Variants in INVS observed in about 807,000 individuals in gnomAD.
The protein encoded by INVS is inversion of embryo turning homolog.
In INVS, 86 loss-of-function variants were observed where a neutral mutation model predicts 108.8. The observed-to-expected ratio is 0.79, with a 90% CI of 0.66 to 0.95. The LOEUF (loss-of-function observed/expected upper bound fraction) is 0.95, where lower values mean the gene tolerates loss of function less well. Ranked by LOEUF, INVS falls within the 40% of genes least tolerant of loss-of-function variation. The pLI is 0.00. For synonymous variants in INVS, 455 were observed against 473.5 expected (o/e 0.96, Z 0.51); for missense variants, 1,169 against 1,297.4 (o/e 0.90, Z 1.52).
intron 10 of INVS, among the ~76,000 whole-genome samples, chr9:100,262,759 T>G (rs1330240883): frequency 6.6e-6 from 1 of 152,024 alleles, no homozygotes; most frequent in Non-Finnish European, 1.5e-5. Context: ...GTTTGTTTGT[T>G]TCTTAAGACA....
At chr9:100,101,048 A>C (rs1231756025) in intron 1 of INVS, among the ~76,000 whole-genome samples, 1 of 108,294 alleles carries the variant, frequency 9.2e-6, no homozygotes, top group East Asian at 2.2e-4. Context: ...ATATGTGTAT[A>C]TATAATTTAT....
chr9:100,201,807 A>G (rs1300092425), intron 3 of INVS, among the ~76,000 whole-genome samples: 1 of 152,192 alleles, frequency 6.6e-6, no homozygotes, highest in South Asian at 2.1e-4. Context: ...CAGCTATCCA[A>G]AGGAATTGAG....
chr9:100,174,443 C>G (rs941063188), intron 3 of INVS, among the ~76,000 whole-genome samples: 1 of 151,330 alleles, frequency 6.6e-6, no homozygotes. Context: ...AAAAGTGAGT[C>G]TCAGTGATTT....
At chr9:100,279,445 C>G (rs1377583975) in intron 12 of INVS, among the ~76,000 whole-genome samples, 1 of 152,174 alleles carries the variant, frequency 6.6e-6, no homozygotes, top group Non-Finnish European at 1.5e-5. Context: ...CTGTATCATT[C>G]AATTATGCCA....
chr9:100,205,054 G>GA (rs941580652), intron 3 of INVS, among the ~76,000 whole-genome samples: 20 of 151,808 alleles, frequency 1.3e-4, no homozygotes, highest in African/African-American at 4.6e-4. Flanking sequence ...GATGTGGGGT[G>GA]AAAAAAAAGT....
intron 3 of INVS, among the ~76,000 whole-genome samples, chr9:100,171,881 T>G (rs1294181185): frequency 6.6e-6 from 1 of 152,186 alleles, no homozygotes; most frequent in African/African-American, 2.4e-5. Flanking sequence ...GATTCATGAC[T>G]TAGGCTCTGC....
intron 3 of INVS, among the ~76,000 whole-genome samples, chr9:100,185,022 G>A (rs72733334): frequency 0.012 from 1,791 of 152,202 alleles, 24 homozygotes; most frequent in Middle Eastern, 0.041. Flanking sequence ...CCTCAGGCAC[G>A]AAAGATGTAA....
At chr9:100,100,815 T>TATATTATATGTAC (rs1826882778) in intron 1 of INVS, among the ~76,000 whole-genome samples, 6 of 49,012 alleles carry the variant, frequency 1.2e-4, no homozygotes, top group Non-Finnish European at 2.0e-4. Flanking sequence ...ATATATAATA[T>TATATTATATGTAC]ATATAATATA....
At chr9:100,259,746 C>T (rs868420783) in intron 10 of INVS, among the ~76,000 whole-genome samples, 14 of 152,030 alleles carry the variant, frequency 9.2e-5, no homozygotes, top group African/African-American at 2.4e-4. Flanking sequence ...GACGGGGTTT[C>T]GTCACATTGG....
At chr9:100,238,369 C>T (rs1163709595) in intron 5 of INVS, among the ~76,000 whole-genome samples, 1 of 152,110 alleles carries the variant, frequency 6.6e-6, no homozygotes, top group Non-Finnish European at 1.5e-5. Context: ...TATCTTTTCT[C>T]TCAGGCTGCT....
At chr9:100,211,230 T>C (rs541076710) in intron 3 of INVS, among the ~76,000 whole-genome samples, 1 of 152,324 alleles carries the variant, frequency 6.6e-6, no homozygotes, top group African/African-American at 2.4e-5. Context: ...TAAAAGGTTG[T>C]ACCAATTTAA....
chr9:100,272,803 T>C (rs1832995906), intron 11 of INVS, 61 bp from the exon 12 acceptor site: 5 of 1,430,214 alleles, frequency 3.5e-6, no homozygotes, highest in Middle Eastern at 3.5e-4. Context: ...ATTTTCAGTT[T>C]AACTGTGCCT....
intron 16 of INVS, among the ~76,000 whole-genome samples, 192 bp from the exon 17 acceptor site, chr9:100,300,376 G>A (rs555990444): frequency 9.4e-4 from 143 of 152,242 alleles, no homozygotes; most frequent in Non-Finnish European, 1.5e-3. Context: ...CTCCCTTGAA[G>A]AGATGTCCCA....
chr9:100,198,065 C>T (rs1738548115), intron 3 of INVS, among the ~76,000 whole-genome samples: 1 of 152,100 alleles, frequency 6.6e-6, no homozygotes, highest in African/African-American at 2.4e-5. Context: ...ATATCTATAT[C>T]ACTGTCAAAA....
At chr9:100,207,750 G>A (rs942273928) in intron 3 of INVS, among the ~76,000 whole-genome samples, 7 of 152,072 alleles carry the variant, frequency 4.6e-5, no homozygotes, top group Non-Finnish European at 1.0e-4. Context: ...GTTAGGCTTA[G>A]GGTAATAAAA....
intron 3 of INVS, among the ~76,000 whole-genome samples, chr9:100,220,439 C>T (rs567312914): frequency 1.3e-5 from 2 of 152,250 alleles, no homozygotes; most frequent in Admixed American, 1.3e-4. Flanking sequence ...AATGTTTTCA[C>T]ATTTCAGAAG....
intron 2 of INVS, among the ~76,000 whole-genome samples, chr9:100,114,939 T>C (rs1225476214): frequency 1.3e-5 from 2 of 152,370 alleles, no homozygotes; most frequent in East Asian, 3.9e-4. Context: ...TAAACTTTCA[T>C]GCTTTTATTT....
intron 14 of INVS, 53 bp downstream of exon 14, chr9:100,293,096 A>C: frequency 6.5e-5 from 97 of 1,503,360 alleles, no homozygotes; most frequent in Non-Finnish European, 8.0e-5. Context: ...TGATATTCTC[A>C]ACATGACATC....
chr9:100,108,278 C>T (rs1827238599), intron 2 of INVS, among the ~76,000 whole-genome samples: 1 of 152,084 alleles, frequency 6.6e-6, no homozygotes, highest in South Asian at 2.1e-4. Flanking sequence ...GATGTGAAGC[C>T]AGTAGGTAGC....
Sources: gnomAD v4.1 joint callset for allele counts (sites outside exome capture counted in the v4.1 genomes callset) on GRCh38, gnomAD v4.1.1 for gene constraint, MANE v1.5 for transcripts, NCBI Gene and HGNC (gene_info 2026-07-23, HGNC 2026-07-21) for gene names.